The following POM121C variants were observed in gnomAD, a reference collection of about 807,000 sequenced individuals.
POM121C encodes nuclear envelope pore membrane protein POM 121C.
In POM121C, 20 loss-of-function variants were observed where a neutral mutation model predicts 66.4. That is an observed-to-expected ratio of 0.30 (90% CI 0.21 to 0.44). The LOEUF is 0.44. Among genes scored for constraint, POM121C ranks in the 20% least tolerant of loss-of-function variants. POM121C has a pLI of 1.00. For synonymous variants in POM121C, 286 were observed against 528.0 expected, an observed-to-expected ratio of 0.54 and a Z score of 6.28; for missense variants, 580 against 1,225.7, an observed-to-expected ratio of 0.47 and a Z score of 7.87.
At chr7:75,475,686 C>T (rs1384030672) in intron 1 of POM121C, among the ~76,000 whole-genome samples, 3 of 151,438 alleles carry the variant, frequency 2.0e-5, no homozygotes, top group Admixed American at 6.6e-5. Context: ...ATTCTCATAG[C>T]CAGTGGCCTC....
intron 12 of POM121C, 87 bp downstream of exon 12, chr7:75,423,962 A>G (rs1789828405): frequency 6.6e-7 from 1 of 1,524,588 alleles, no homozygotes; most frequent in South Asian, 1.2e-5. Context: ...AGCAATCTCC[A>G]GCGACTGACA....
At chr7:75,468,095 G>C (rs112590421) in intron 3 of POM121C, among the ~76,000 whole-genome samples, 1 of 127,346 alleles carries the variant, frequency 7.9e-6, no homozygotes, top group African/African-American at 2.8e-5. Flanking sequence ...TGGCACAACT[G>C]CACCCCAACC....
intron 3 of POM121C, among the ~76,000 whole-genome samples, chr7:75,474,264 T>G (rs1791989933): frequency 6.6e-6 from 1 of 152,002 alleles, no homozygotes; most frequent in South Asian, 2.1e-4. Flanking sequence ...CTTGGTGGCA[T>G]GTGCCTGAAA....
intron 14 of POM121C, 144 bp from the exon 15 acceptor site, chr7:75,419,037 C>T (rs116287082): frequency 0.093 from 134,258 of 1,444,700 alleles, 6,922 homozygotes; most frequent in Non-Finnish European, 0.1. Flanking sequence ...AAACACTGTA[C>T]GGGAGGAGCC....
Position 75,440,883 on chromosome 7 carries a change from G to C in POM121C, c.227+71C>G, listed in dbSNP as rs587627982. ...CTGGACGTGGCCTCTGTATCTTTAC[G>C]GGAATGTCTACATCTCATCCCATAG... On this transcript the variant is annotated intron_variant, in intron 5 of 14. Coordinates refer to ENST00000615331, the MANE Select transcript of POM121C (RefSeq NM_001099415.3). The C allele has an allele frequency of 8.1e-6, 13 of 1,611,902 alleles. No homozygotes were observed. The African/African-American group carries it at 1.7e-4, about 22-fold the overall frequency.
intron 3 of POM121C, among the ~76,000 whole-genome samples, chr7:75,458,878 T>C (rs1333381199): frequency 6.6e-6 from 1 of 152,218 alleles, no homozygotes; most frequent in African/African-American, 2.4e-5. Flanking sequence ...GACAAAGATA[T>C]TGGAATTATT....
chr7:75,447,007 CAAAAAAAAAAA>C (rs60389539), intron 3 of POM121C, among the ~76,000 whole-genome samples: 1 of 53,514 alleles, frequency 1.9e-5, no homozygotes, highest in African/African-American at 8.2e-5. Context: ...GACTCCGTCT[CAAAAAAAAAAA>C]AAAAAAAAAA....
intron 13 of POM121C, chr7:75,419,688 G>A (rs1217784470): frequency 2.0e-5 from 10 of 510,436 alleles, no homozygotes; most frequent in East Asian, 3.7e-5. Context: ...CCCCTGCCCC[G>A]CAGCCACCTC....
intron 1 of POM121C, among the ~76,000 whole-genome samples, chr7:75,476,880 A>C (rs1203813534): frequency 9.2e-5 from 14 of 152,120 alleles, no homozygotes; most frequent in African/African-American, 3.4e-4. Context: ...AAGCCACTAT[A>C]ACACAGCAAA....
chr7:75,434,279 AT>A (rs78983395), intron 7 of POM121C, among the ~76,000 whole-genome samples: 1,683 of 144,384 alleles, frequency 0.012, 23 homozygotes, highest in African/African-American at 0.034. Context: ...ATTAAATACT[AT>A]TTTTTTTTTT....
chr7:75,433,223 A>G (rs1790252889), intron 7 of POM121C, among the ~76,000 whole-genome samples: 1 of 109,886 alleles, frequency 9.1e-6, no homozygotes, highest in Non-Finnish European at 1.7e-5. Flanking sequence ...CGACAGTGTG[A>G]GACTCTGTCT....
intron 3 of POM121C, among the ~76,000 whole-genome samples, chr7:75,461,611 A>C (rs1791443966): frequency 6.6e-6 from 1 of 152,068 alleles, no homozygotes; most frequent in African/African-American, 2.4e-5. Flanking sequence ...GGGTTTTGCC[A>C]TGTTGGCCAG....
chr7:75,440,813 TTC>T (rs1554473823), intron 5 of POM121C, 139 bp downstream of exon 5: 2 of 1,390,448 alleles, frequency 1.4e-6, no homozygotes, highest in African/African-American at 2.9e-5. Context: ...TGTTATTAGG[TTC>T]TCTCATGAAA....
At chr7:75,478,069 C>G (rs1792158576) in intron 1 of POM121C, among the ~76,000 whole-genome samples, 1 of 152,154 alleles carries the variant, frequency 6.6e-6, no homozygotes, top group Admixed American at 6.5e-5. Context: ...CGGGTTCCAG[C>G]AATTCTTCTG....
chr7:75,429,028 A>G (rs1284389686), intron 7 of POM121C, among the ~76,000 whole-genome samples: 7 of 152,114 alleles, frequency 4.6e-5, no homozygotes, highest in Non-Finnish European at 8.8e-5. Flanking sequence ...TGGTTTAACA[A>G]TTAGGGGAAA....
chr7:75,480,612 C>T (rs1236291904), intron 1 of POM121C, among the ~76,000 whole-genome samples: 1 of 152,062 alleles, frequency 6.6e-6, no homozygotes, highest in Non-Finnish European at 1.5e-5. Flanking sequence ...TTCCATGTAG[C>T]ATTCCAGACA....
At chr7:75,449,362 C>T (rs1438912173) in intron 3 of POM121C, among the ~76,000 whole-genome samples, 2 of 147,676 alleles carry the variant, frequency 1.4e-5, no homozygotes, top group Admixed American at 6.7e-5. Flanking sequence ...CCACTGTTCT[C>T]TCTCTTTTTT....
intron 12 of POM121C, among the ~76,000 whole-genome samples, chr7:75,423,754 T>C (rs1156973033): frequency 2.0e-5 from 3 of 152,090 alleles, no homozygotes; most frequent in African/African-American, 7.2e-5. Flanking sequence ...CGCCACCACA[T>C]TCACACTTCA....
intron 10 of POM121C, 187 bp downstream of exon 10, chr7:75,424,887 G>A: frequency 1.0e-5 from 13 of 1,295,676 alleles, no homozygotes; most frequent in Admixed American, 2.8e-5. Context: ...TTGAACTCAG[G>A]AGGCAGAGGT....
Sources: allele counts gnomAD v4.1 joint callset (sites outside exome capture counted in the v4.1 genomes callset), GRCh38; gene constraint gnomAD v4.1.1; transcripts MANE v1.5; gene names NCBI Gene and HGNC (gene_info 2026-07-23, HGNC 2026-07-21).